SLC5A10: variants seen among roughly 807,000 people sequenced by gnomAD.
SLC5A10 encodes the protein solute carrier family 5 member 10.
SLC5A10 carries 55 observed loss-of-function variants against 68.9 expected under a neutral mutation model. That is an observed-to-expected ratio of 0.80 (90% CI 0.64 to 1.00). The LOEUF (loss-of-function observed/expected upper bound fraction) is 1.00, where lower values mean the gene tolerates loss of function less well. SLC5A10 is among the 50% of genes least tolerant of loss of function. The pLI is 0.00. For synonymous variants in SLC5A10, 344 were observed against 344.8 expected, an observed-to-expected ratio of 1.00 and a Z score of 0.02; for missense variants, 732 against 819.3, an observed-to-expected ratio of 0.89 and a Z score of 1.30.
intron 8 of SLC5A10, chr17:18,976,191 A>AAAAAAAAAAAAAAAAG (rs2042976308): frequency 1.3e-5 from 2 of 151,504 alleles, no homozygotes; most frequent in African/African-American, 2.4e-5. Context: ...CCGACTCAAA[A>AAAAAAAAAAAAAAAAG]AAAAAGTAAC....
At position 19,017,362 on chromosome 17, in the gene SLC5A10, G is replaced by A. The variant is rs1455083893; in HGVS notation, c.1242-2061G>A. On this transcript the variant is annotated intron_variant, in intron 11 of 14. Coordinates refer to ENST00000395645, the MANE Select transcript of SLC5A10 (RefSeq NM_001042450.4). The surrounding 1 kb of genome is among the most constrained non-coding windows in gnomAD (Gnocchi z 5.6). The stretch of plus-strand genomic sequence containing the variant: ...TGCCCGAAACACCACCATTGGAGCG[G>A]TATCTCCTAGGCCTCGTGGTCATGG... 3.9e-6 allele frequency: 6 copies of A among 1,551,906 alleles called. No homozygotes were observed. The highest frequency in any genetic ancestry group is 1.2e-5 in the South Asian group (1 of 84,070).
Position 19,020,450 on chromosome 17 carries a change from A to C in SLC5A10, c.*19A>C. On this transcript the variant is annotated 3_prime_UTR_variant, in exon 15 of 15. Coordinates refer to ENST00000395645, the MANE Select transcript of SLC5A10 (RefSeq NM_001042450.4). The stretch of plus-strand genomic sequence containing the variant: ...CGCCTGACACTGCCATCCTGGACAG[A>C]AAGGCAGGAGCTCTGAGTCCTCAGG... 1 of 1,610,044 alleles carries C rather than the reference A, an allele frequency of 6.2e-7. No individual in the cohort carries two copies. Among genetic ancestry groups the C allele is most frequent in the Non-Finnish European group, 8.5e-7 (1 of 1,176,798 alleles).
At position 18,958,664 on chromosome 17, in the gene SLC5A10, C is replaced by G; in HGVS notation, c.112-18C>G. ...AGTGTGCGGGCTTCCAACTCCTGTC[C>G]CTTTTCTCCTCTTGCAGTCCTCTTG... On this transcript the variant is annotated intron_variant, in intron 1 of 14. Coordinates refer to ENST00000395645, the MANE Select transcript of SLC5A10 (RefSeq NM_001042450.4). 6.2e-7 allele frequency: 1 copy of G among 1,613,690 alleles called. No homozygotes were observed. Among genetic ancestry groups the G allele is most frequent in the Non-Finnish European group, 8.5e-7 (1 of 1,179,672 alleles).
intron 9 of SLC5A10, among the ~76,000 whole-genome samples, chr17:19,002,663 T>TA (rs1442951188): frequency 6.6e-6 from 1 of 152,222 alleles, no homozygotes; most frequent in East Asian, 1.9e-4. Flanking sequence ...AGAAGGTACT[T>TA]ACGTGCAGCA....
intron 5 of SLC5A10, among the ~76,000 whole-genome samples, chr17:18,966,450 T>A (rs1489459558): frequency 3.3e-5 from 5 of 152,122 alleles, no homozygotes; most frequent in African/African-American, 1.2e-4. Flanking sequence ...GACCTCCCCA[T>A]CTGTGCCTTC....
chr17:19,016,617 G>A (rs1428930105), intron 11 of SLC5A10, among the ~76,000 whole-genome samples: 1 of 152,206 alleles, frequency 6.6e-6, no homozygotes, highest in African/African-American at 2.4e-5. Flanking sequence ...GCCCTGTTGG[G>A]ACACGCCAGA....
At position 19,018,224 on chromosome 17, in the gene SLC5A10, C is replaced by T; in HGVS notation, c.1242-1199C>T. 6.6e-6 allele frequency: 1 copy of T among 152,390 alleles called. No homozygotes were observed. Among genetic ancestry groups the T allele is most frequent in the East Asian group, 1.9e-4 (1 of 5,194 alleles). 9.4% of individuals were successfully genotyped at this position (152,390 alleles called of 1,614,324 possible). A position where few individuals can be genotyped will look rare whatever the true frequency, so the allele number is the denominator to read the frequency against. On this transcript the variant is annotated intron_variant, in intron 11 of 14. Transcript: ENST00000395645. The surrounding 1 kb of genome is among the most constrained non-coding windows in gnomAD (Gnocchi z 4.2). Reference sequence around the variant, plus strand: ...ATAGCCTCTGTCACCCCTGCCACCACAGCCAGGGTTCCAGCGGGTCACCCA... The same window carrying T: ...ATAGCCTCTGTCACCCCTGCCACCATAGCCAGGGTTCCAGCGGGTCACCCA...
chr17:18,971,739 AC>A lies in SLC5A10; in HGVS notation c.846+522del. ...GAGGCAGGGACCCTGTGATGATGAA[AC>A]TGCTGGCCCTGGGAGAGAGAGAGCA... is the stretch of plus-strand genomic sequence containing the variant. On this transcript the variant is annotated intron_variant, in intron 8 of 14. Transcript: ENST00000395645. The surrounding 1 kb of genome is among the most constrained non-coding windows in gnomAD (Gnocchi z 5.5). The A allele has an allele frequency of 6.4e-7, 1 of 1,565,102 alleles. No individual in the cohort carries two copies.
intron 5 of SLC5A10, among the ~76,000 whole-genome samples, chr17:18,965,584 C>T (rs1449755129): frequency 1.3e-5 from 2 of 152,166 alleles, no homozygotes; most frequent in Admixed American, 6.5e-5. Context: ...TGGAGTGAGG[C>T]TCCTTCATAT....
At chr17:18,988,324 T>C in intron 9 of SLC5A10, 2 of 1,614,238 alleles carry the variant, frequency 1.2e-6, no homozygotes, top group Non-Finnish European at 1.7e-6. Flanking sequence ...TCCACGATGA[T>C]GTACACGGCC....
At chr17:18,952,857 C>A (rs1431046801) in intron 1 of SLC5A10, among the ~76,000 whole-genome samples, 1 of 152,152 alleles carries the variant, frequency 6.6e-6, no homozygotes, top group Non-Finnish European at 1.5e-5. Context: ...AGATCTGACC[C>A]CACACACAGA....
intron 7 of SLC5A10, 105 bp from the exon 8 acceptor site, chr17:18,970,908 T>G: frequency 9.6e-7 from 1 of 1,045,922 alleles, no homozygotes; most frequent in Non-Finnish European, 1.4e-6. Flanking sequence ...AAAACTCAAG[T>G]TTGATGCATC....
intron 8 of SLC5A10, 154 bp from the exon 9 acceptor site, chr17:18,976,700 G>C: frequency 1.0e-6 from 1 of 973,448 alleles, no homozygotes; most frequent in Non-Finnish European, 1.5e-6. Context: ...GACCCTGACA[G>C]TATTGGGGCT....
chr17:18,952,038 T>C, upstream of SLC5A10: 2 of 1,156,376 alleles, frequency 1.7e-6, no homozygotes, highest in South Asian at 1.6e-5. Context: ...GTGAGGAAGC[T>C]GAACTGCATG....
chr17:18,985,820 C>T (rs1389433051), intron 9 of SLC5A10, among the ~76,000 whole-genome samples: 3 of 152,174 alleles, frequency 2.0e-5, no homozygotes, highest in Non-Finnish European at 4.4e-5. Flanking sequence ...ACCTGCAGTG[C>T]CAGCTGCCTT....
chr17:18,992,752 G>A (rs927604647), intron 9 of SLC5A10, among the ~76,000 whole-genome samples: 10 of 152,316 alleles, frequency 6.6e-5, no homozygotes, highest in African/African-American at 1.9e-4. Flanking sequence ...AAGGCCCTTC[G>A]TCTCTGATGT....
intron 9 of SLC5A10, among the ~76,000 whole-genome samples, chr17:18,995,911 T>TAA (rs555014135): frequency 1.0e-3 from 128 of 125,352 alleles, no homozygotes; most frequent in African/African-American, 3.4e-3. Flanking sequence ...CTGTCTCAAT[T>TAA]AAAAAAAAAA....
rs370187031 is a variant in SLC5A10 at position 19,015,203 on chromosome 17, C to T, written c.1241+4C>T. ...GGGAGCTCCTGCTGGTGGGACGGTACGGGGGTGGGGGCCAGTACGGGGGTG... is the reference window on the plus strand; with the variant it reads ...GGGAGCTCCTGCTGGTGGGACGGTATGGGGGTGGGGGCCAGTACGGGGGTG... On this transcript the variant is annotated splice_donor_region_variant and intron_variant, in intron 11 of 14. Transcript: ENST00000395645. The T allele has an allele frequency of 6.8e-5, 23 of 340,258 alleles. No homozygotes were observed. Among genetic ancestry groups the T allele is most frequent in the East Asian group, 1.4e-4 (2 of 14,306 alleles). 21.1% of individuals were successfully genotyped at this position (340,258 alleles called of 1,614,324 possible).
rs916823 is a variant in SLC5A10 at position 18,971,407 on chromosome 17, C to A, written c.846+189C>A. On this transcript the variant is annotated intron_variant, in intron 8 of 14. Transcript: ENST00000395645. The surrounding 1 kb of genome is among the most constrained non-coding windows in gnomAD (Gnocchi z 5.5). ...GGGCTTGAGCCCTCCGTTTAGAATC[C>A]GATGAGGCCCACTGGCTACCGCCCG... The A allele has an allele frequency of 1.2e-5, 20 of 1,613,516 alleles. No homozygotes were observed. The highest frequency in any genetic ancestry group is 3.3e-5 in the South Asian group (3 of 91,082).
Sources: gnomAD v4.1 joint callset for allele counts (sites outside exome capture counted in the v4.1 genomes callset) on GRCh38, gnomAD v4.1.1 for gene constraint, Gnocchi (gnomAD v3.1) non-coding constraint, MANE v1.5 for transcripts, NCBI Gene and HGNC (gene_info 2026-07-23, HGNC 2026-07-21) for gene names.